The following CCKBR variants were observed in gnomAD, a reference collection of about 807,000 sequenced individuals.
The protein encoded by CCKBR is cholecystokinin B receptor.
In CCKBR, 33 loss-of-function variants were observed where a neutral mutation model predicts 34.6. That is an observed-to-expected ratio of 0.95 (90% CI 0.72 to 1.27). The LOEUF (loss-of-function observed/expected upper bound fraction) is 1.27. CCKBR is among the 50% of genes most tolerant of loss of function. The pLI, the probability that CCKBR is intolerant of heterozygous loss-of-function variation, is 0.00. For synonymous variants in CCKBR, 269 were observed against 267.5 expected (o/e 1.01, Z -0.06); for missense variants, 652 against 617.4 (o/e 1.06, Z -0.59).
chr11:6,267,935 C>G (rs1188448826), intron 1 of CCKBR, among the ~76,000 whole-genome samples: 1 of 152,162 alleles, frequency 6.6e-6, no homozygotes, highest in Non-Finnish European at 1.5e-5. Flanking sequence ...GCCTTGAACT[C>G]CTGGGTTCAA....
Position 6,259,848 on chromosome 11 carries a change from G to A in CCKBR, c.-81G>A, listed in dbSNP as rs1848099003. 5 of 1,212,400 alleles carry A rather than the reference G, an allele frequency of 4.1e-6. No individual in the cohort carries two copies. In the East Asian group the frequency reaches 9.6e-5, roughly 23 times the overall value. 75.1% of individuals were successfully genotyped at this position (1,212,400 alleles called of 1,614,324 possible). A position where few individuals can be genotyped will look rare whatever the true frequency, so the allele number is the denominator to read the frequency against. ...GAGGAGGGCGGCGGGAGCCTGAGCC[G>A]GAATCGCAGCGTGAGCAGGTGGAGC... On this transcript the variant is annotated 5_prime_UTR_variant, in exon 1 of 5. Transcript: ENST00000334619.
chr11:6,271,767 G>T lies in CCKBR; in HGVS notation c.*224G>T. 1.9e-6 allele frequency: 1 copy of T among 522,708 alleles called. No individual in the cohort carries two copies. Among genetic ancestry groups the T allele is most frequent in the Non-Finnish European group, 3.4e-6 (1 of 298,288 alleles). 32.4% of individuals were successfully genotyped at this position (522,708 alleles called of 1,614,324 possible). A position where few individuals can be genotyped will look rare whatever the true frequency, so the allele number is the denominator to read the frequency against. On this transcript the variant is annotated 3_prime_UTR_variant, in exon 5 of 5. Transcript: ENST00000334619. ...GATATGGGACTGAGCCTGGCCCATA[G>T]AAACATGACACTGACCTTGGAGAGA...
chr11:6,261,462 T>TACACACACAC (rs60678871), intron 1 of CCKBR, among the ~76,000 whole-genome samples: 89 of 63,848 alleles, frequency 1.4e-3, no homozygotes, highest in African/African-American at 2.5e-3. Context: ...AAAATATATA[T>TACACACACAC]ACACACACAC....
At chr11:6,261,434 C>CCAAAAA (rs1848127015) in intron 1 of CCKBR, among the ~76,000 whole-genome samples, 1 of 14,444 alleles carries the variant, frequency 6.9e-5, no homozygotes, top group Admixed American at 1.4e-3. Flanking sequence ...TTCCTGTTGG[C>CCAAAAA]AAAAAAAAAA....
At chr11:6,267,407 GC>G (rs1418659700) in intron 1 of CCKBR, among the ~76,000 whole-genome samples, 5 of 151,654 alleles carry the variant, frequency 3.3e-5, no homozygotes, top group African/African-American at 1.2e-4. Context: ...CACACATTGG[GC>G]TACACAGGGT....
intron 1 of CCKBR, among the ~76,000 whole-genome samples, chr11:6,265,555 T>A (rs1466384915): frequency 6.6e-6 from 1 of 151,978 alleles, no homozygotes; most frequent in African/African-American, 2.4e-5. Context: ...AGGTGGAGGC[T>A]GGGGGTGGGA....
At position 6,264,659 on chromosome 11, in the gene CCKBR, T is replaced by C. The variant is rs895021199; in HGVS notation, c.151+4580T>C. On this transcript the variant is annotated intron_variant, in intron 1 of 4. Coordinates refer to ENST00000334619, the MANE Select transcript of CCKBR (RefSeq NM_176875.4). ...GTGCTATCTCCCATCCTTCTACCCA[T>C]GCCTGTTTCCTAGTCACTGAAGCCA... 7 of 629,450 alleles carry C rather than the reference T, an allele frequency of 1.1e-5. No individual in the cohort carries two copies. In the African/African-American group the frequency reaches 1.3e-4, roughly 11 times the overall value. The allele number at this position is 629,450 out of a possible 1,614,324, so 39.0% of individuals were successfully genotyped here. A position where few individuals can be genotyped will look rare whatever the true frequency, so the allele number is the denominator to read the frequency against.
At chr11:6,268,414 C>T (rs2947026) in intron 1 of CCKBR, among the ~76,000 whole-genome samples, 2,354 of 152,196 alleles carry the variant, frequency 0.015, 19 homozygotes, top group Middle Eastern at 0.024. Flanking sequence ...CAATCCAATT[C>T]GATTTTATCT....
chr11:6,267,228 A>G (rs575821725), intron 1 of CCKBR, among the ~76,000 whole-genome samples: 57 of 152,338 alleles, frequency 3.7e-4, no homozygotes, highest in African/African-American at 1.2e-3. Flanking sequence ...GTAACTTTTT[A>G]CTTTATAAAC....
chr11:6,260,758 A>C (rs1848117634), intron 1 of CCKBR, among the ~76,000 whole-genome samples: 1 of 152,174 alleles, frequency 6.6e-6, no homozygotes, highest in South Asian at 2.1e-4. Context: ...CTATCTTCCA[A>C]GCTCTCTCTC....
chr11:6,269,625 T>G, intron 1 of CCKBR, 44 bp from the exon 2 acceptor site: 7 of 1,600,002 alleles, frequency 4.4e-6, no homozygotes, highest in Non-Finnish European at 6.0e-6. Flanking sequence ...TTTGACTGAA[T>G]GAAGGCTGAC....
chr11:6,267,899 C>T (rs1848232477), intron 1 of CCKBR, among the ~76,000 whole-genome samples: 1 of 152,208 alleles, frequency 6.6e-6, no homozygotes, highest in Non-Finnish European at 1.5e-5. Flanking sequence ...GGCTGGAGTG[C>T]AGTGGCACTA....
Position 6,260,097 on chromosome 11 carries a change from C to T in CCKBR, c.151+18C>T, listed in dbSNP as rs201646234. The T allele has an allele frequency of 1.7e-5, 26 of 1,560,882 alleles. No individual in the cohort carries two copies. The highest frequency in any genetic ancestry group is 1.4e-5 in the African/African-American group (1 of 70,816). ...GACACGAGGTGGGTGCCTCCCTCAG[C>T]CCCCCCCACAAGCTATTTCTCACTG... On this transcript the variant is annotated intron_variant, in intron 1 of 4. Transcript: ENST00000334619.
chr11:6,270,377 A>G, intron 3 of CCKBR, 40 bp downstream of exon 3: 1 of 1,587,974 alleles, frequency 6.3e-7, no homozygotes, highest in Non-Finnish European at 8.6e-7. Context: ...TTCCTTTCTC[A>G]CCCCTATTAG....
In CCKBR at chr11:6,270,017, A is replaced by G. The variant is rs955339321; in HGVS notation, c.404-71A>G. ...TCCCCGGTTGGCAGGGAGGGGTGTG[A>G]GGAAGTCCCACTGATGCTTGTGTAG... On this transcript the variant is annotated intron_variant, in intron 2 of 4. Transcript: ENST00000334619. 3.8e-6 allele frequency: 6 copies of G among 1,589,356 alleles called. No homozygotes were observed. In the African/African-American group the frequency reaches 6.7e-5, roughly 18 times the overall value.
At chr11:6,270,526 A>G in intron 3 of CCKBR, 120 bp from the exon 4 acceptor site, 13 of 1,392,942 alleles carry the variant, frequency 9.3e-6, no homozygotes, top group Non-Finnish European at 1.2e-5. Flanking sequence ...CGGCACCCCC[A>G]AATCCTACTC....
intron 1 of CCKBR, among the ~76,000 whole-genome samples, chr11:6,267,852 G>C (rs922994618): frequency 6.6e-6 from 1 of 152,112 alleles, no homozygotes; most frequent in Non-Finnish European, 1.5e-5. Context: ...TTGTTATTTT[G>C]GGTTTTGTTT....
chr11:6,265,337 T>C (rs1186414727), intron 1 of CCKBR, among the ~76,000 whole-genome samples: 2 of 152,234 alleles, frequency 1.3e-5, no homozygotes, highest in African/African-American at 4.8e-5. Flanking sequence ...ATAAGGGTAA[T>C]ATTTAGCTCC....
In CCKBR at chr11:6,270,783, G is replaced by A. The variant is rs200601279; in HGVS notation, c.791G>A (p.Arg264Gln). 78 of 1,614,052 alleles carry A rather than the reference G, an allele frequency of 4.8e-5. 2 individuals are homozygous for A. In the South Asian group the frequency reaches 8.3e-4, roughly 17 times the overall value. Residue 264 changes from arginine (R) to glutamine (Q), a missense_variant, in exon 4 of 5, where the codon CGA (arginine) becomes CAA (glutamine). Physicochemically the swap from Arg to Gln is conservative, Grantham distance 43. Transcript: ENST00000334619. The stretch of plus-strand genomic sequence containing the variant: ...GACAGCGACAGCCAAAGCAGGGTCC[G>A]AAACCAAGGCGGGCTGCCAGGTGGG... Reference protein sequence around the residue: ...DSDSDSQSRVRNQGGLPGAVH... With the variant: ...DSDSDSQSRVQNQGGLPGAVH...
Sources: allele counts gnomAD v4.1 joint callset (sites outside exome capture counted in the v4.1 genomes callset), GRCh38; gene constraint gnomAD v4.1.1; transcripts MANE v1.5; gene names NCBI Gene and HGNC (gene_info 2026-07-23, HGNC 2026-07-21).